TCF7L2: variants seen among roughly 807,000 people sequenced by gnomAD.
TCF7L2 encodes transcription factor 7-like 2.
Under a neutral mutation model 77.9 loss-of-function variants are expected in TCF7L2, and 23 were observed. The observed-to-expected ratio is 0.30, with a 90% CI of 0.21 to 0.42. The LOEUF (loss-of-function observed/expected upper bound fraction) is 0.42, where lower values mean the gene tolerates loss of function less well. Among genes scored for constraint, TCF7L2 ranks in the 10% least tolerant of loss-of-function variants. TCF7L2 has a pLI of 1.00. For missense variants in TCF7L2, 654 were observed against 793.1 expected, an observed-to-expected ratio of 0.82 and a Z score of 2.11; for synonymous variants, 413 against 340.2, an observed-to-expected ratio of 1.21 and a Z score of -2.36.
At chr10:113,152,855 C>G (rs948610739) in intron 11 of TCF7L2, among the ~76,000 whole-genome samples, 1 of 152,192 alleles carries the variant, frequency 6.6e-6, no homozygotes, top group Non-Finnish European at 1.5e-5. Flanking sequence ...TGTGGAGGAA[C>G]AGAATTTAAT....
At chr10:113,111,695 G>A (rs2063150889) in intron 5 of TCF7L2, among the ~76,000 whole-genome samples, 1 of 152,128 alleles carries the variant, frequency 6.6e-6, no homozygotes, top group South Asian at 2.1e-4. Flanking sequence ...GGGAGGCTGA[G>A]ATGGGAGGAT....
chr10:113,104,497 A>G (rs1055078493), intron 5 of TCF7L2, among the ~76,000 whole-genome samples: 1 of 152,126 alleles, frequency 6.6e-6, no homozygotes, highest in South Asian at 2.1e-4. Context: ...TTTTACCCCT[A>G]ACGCCGTCTC....
chr10:113,027,639 G>A (rs545557449), intron 4 of TCF7L2, among the ~76,000 whole-genome samples: 103 of 152,306 alleles, frequency 6.8e-4, no homozygotes, highest in Non-Finnish European at 1.3e-3. Context: ...CCCCAAATGA[G>A]GTTATTGTGC....
chr10:113,125,254 A>C (rs1362736347), intron 5 of TCF7L2, among the ~76,000 whole-genome samples: 1 of 152,044 alleles, frequency 6.6e-6, no homozygotes, highest in South Asian at 2.1e-4. Context: ...AAAAAAAAAA[A>C]AGTCGTCTTT....
At chr10:113,074,130 T>C (rs1272979428) in intron 5 of TCF7L2, among the ~76,000 whole-genome samples, 1 of 152,212 alleles carries the variant, frequency 6.6e-6, no homozygotes, top group Non-Finnish European at 1.5e-5. Flanking sequence ...GGCACCTTTC[T>C]TCCTGGAGCA....
At chr10:113,137,975 G>C (rs776128338) in intron 5 of TCF7L2, among the ~76,000 whole-genome samples, 1 of 152,210 alleles carries the variant, frequency 6.6e-6, no homozygotes, top group Non-Finnish European at 1.5e-5. Flanking sequence ...ATAGGCATTT[G>C]TAAGAAGAAA....
chr10:112,999,453 G>A (rs1229114175), intron 4 of TCF7L2, among the ~76,000 whole-genome samples: 3 of 152,136 alleles, frequency 2.0e-5, no homozygotes, highest in Non-Finnish European at 2.9e-5. Flanking sequence ...TCTTAGCTTG[G>A]TGCCTTTCTT....
intron 5 of TCF7L2, among the ~76,000 whole-genome samples, chr10:113,097,289 G>C (rs1272374637): frequency 6.6e-6 from 1 of 152,168 alleles, no homozygotes; most frequent in Admixed American, 6.5e-5. Flanking sequence ...CAACCAGGGG[G>C]AAGTCCTGTG....
At chr10:113,142,705 C>G (rs1374805261) in intron 6 of TCF7L2, among the ~76,000 whole-genome samples, 1 of 152,214 alleles carries the variant, frequency 6.6e-6, no homozygotes, top group African/African-American at 2.4e-5. Flanking sequence ...GCCTGGTGGC[C>G]TCCTCCAGCC....
chr10:112,951,633 G>GC, intron 3 of TCF7L2, 26 bp downstream of exon 3: 1 of 923,164 alleles, frequency 1.1e-6, no homozygotes, highest in African/African-American at 4.3e-5. Flanking sequence ...CCCGGCCCCC[G>GC]CCCGCTGCCC....
chr10:113,107,654 A>G (rs1439877737), intron 5 of TCF7L2, among the ~76,000 whole-genome samples: 5 of 149,016 alleles, frequency 3.4e-5, no homozygotes, highest in African/African-American at 1.2e-4. Context: ...GAGGCAGGAG[A>G]ATGGCGTGAA....
At position 113,049,189 on chromosome 10, in the gene TCF7L2, C is replaced by G. The variant is rs139715139; in HGVS notation, c.552+9063C>G. ...CAGGCCTCTGCCTCATCTCCGCTGC[C>G]CCCCCGCCCCCTGACTCTCTTCTGA... On this transcript the variant is annotated intron_variant, in intron 5 of 13. Transcript: ENST00000627217. 2.9e-3 allele frequency among the ~76,000 whole-genome samples: 435 copies of G among 151,992 alleles called. 6 individuals carry two copies. The highest frequency in any genetic ancestry group is 0.01 in the African/African-American group (424 of 41,462).
rs59915449 is a variant in TCF7L2 at position 113,121,775 on chromosome 10, A to AACACACAC, written c.553-19395_553-19388dup. 1.5e-4 allele frequency among the ~76,000 whole-genome samples: 23 copies of AACACACAC among 149,156 alleles called. No homozygotes were observed. In the South Asian group the frequency reaches 4.0e-3, roughly 26 times the overall value. On this transcript the variant is annotated intron_variant, in intron 5 of 13. Transcript: ENST00000627217. Reference sequence around the variant, plus strand: ...CACACGTGCACGCACACATACACACAACACACACACACACACACACAAATG... The same window carrying AACACACAC: ...CACACGTGCACGCACACATACACACAACACACACACACACACACACACACACACAAATG...
At chr10:113,095,416 A>G (rs1450802351) in intron 5 of TCF7L2, among the ~76,000 whole-genome samples, 1 of 152,092 alleles carries the variant, frequency 6.6e-6, no homozygotes, top group African/African-American at 2.4e-5. Context: ...CACATTGTCT[A>G]TCTGCCAATA....
rs745770391 is a variant in TCF7L2, at chr10:113,061,982, C to T, written c.552+21856C>T. ...GAAAGAGGCAAACACCGTCATTCTACATCTGTTTATTTTGTTATTAACAAA... is the reference window on the plus strand; with the variant it reads ...GAAAGAGGCAAACACCGTCATTCTATATCTGTTTATTTTGTTATTAACAAA... On this transcript the variant is annotated intron_variant, in intron 5 of 13. Transcript: ENST00000627217. 1.2e-4 allele frequency among the ~76,000 whole-genome samples: 19 copies of T among 152,198 alleles called. 1 individual carries two copies. Among genetic ancestry groups the T allele is most frequent in the Non-Finnish European group, 2.8e-4 (19 of 68,046 alleles).
chr10:113,018,408 A>G (rs1012773081), intron 4 of TCF7L2, among the ~76,000 whole-genome samples: 10 of 149,640 alleles, frequency 6.7e-5, no homozygotes, highest in Middle Eastern at 7.1e-3. Flanking sequence ...CCTCTAGCCA[A>G]AGACTGAGTG....
intron 5 of TCF7L2, among the ~76,000 whole-genome samples, chr10:113,049,719 C>G (rs1652820753): frequency 6.6e-6 from 1 of 152,162 alleles, no homozygotes; most frequent in African/African-American, 2.4e-5. Flanking sequence ...AATTTTATCT[C>G]TGGAAAGAGT....
At chr10:113,157,378 A>G (rs1484388801) in intron 11 of TCF7L2, among the ~76,000 whole-genome samples, 1 of 152,208 alleles carries the variant, frequency 6.6e-6, no homozygotes, top group East Asian at 1.9e-4. Context: ...TCCGCCCCTC[A>G]GAGTGCCAGG....
At chr10:113,088,690 C>CG (rs1385522958) in intron 5 of TCF7L2, among the ~76,000 whole-genome samples, 3 of 152,038 alleles carry the variant, frequency 2.0e-5, no homozygotes, top group African/African-American at 7.2e-5. Flanking sequence ...GACATGGTGC[C>CG]GCTTGCCTGA....
Sources: gnomAD v4.1 joint callset for allele counts (sites outside exome capture counted in the v4.1 genomes callset) on GRCh38, gnomAD v4.1.1 for gene constraint, MANE v1.5 for transcripts, NCBI Gene and HGNC (gene_info 2026-07-23, HGNC 2026-07-21) for gene names.